GALNTL6: variants seen among roughly 807,000 people sequenced by gnomAD.
GALNTL6 encodes the protein polypeptide N-acetylgalactosaminyltransferase-like 6.
In GALNTL6, 46 loss-of-function variants were observed where a neutral mutation model predicts 73.7. That is an observed-to-expected ratio of 0.62 (90% CI 0.49 to 0.80). The LOEUF is 0.80. Ranked by LOEUF, GALNTL6 falls within the 30% of genes least tolerant of loss-of-function variation. The pLI is 0.00. For missense variants in GALNTL6, 604 were observed against 755.0 expected (o/e 0.80, Z 2.34); for synonymous variants, 259 against 263.7 (o/e 0.98, Z 0.17).
chr4:172,372,754 C>T (rs1351878859), intron 5 of GALNTL6, among the ~76,000 whole-genome samples: 2 of 152,148 alleles, frequency 1.3e-5, no homozygotes, highest in Non-Finnish European at 2.9e-5. Context: ...AGTATTTGCT[C>T]TCTGGGTCTC....
intron 5 of GALNTL6, among the ~76,000 whole-genome samples, chr4:172,604,853 G>A (rs1738197553): frequency 6.6e-6 from 1 of 152,268 alleles, no homozygotes; most frequent in Middle Eastern, 3.4e-3. Context: ...TTCCACCATG[G>A]ACTTCATACA....
At chr4:172,332,355 C>T (rs1741159413) in intron 4 of GALNTL6, among the ~76,000 whole-genome samples, 1 of 152,066 alleles carries the variant, frequency 6.6e-6, no homozygotes, top group African/African-American at 2.4e-5. Flanking sequence ...CATTTTTAAG[C>T]ATAGGCACCC....
chr4:172,023,715 G>A (rs1047039927), intron 2 of GALNTL6, among the ~76,000 whole-genome samples: 2 of 151,786 alleles, frequency 1.3e-5, no homozygotes, highest in Admixed American at 6.6e-5. Context: ...AGTCTCACAT[G>A]CAACAAAAAT....
At chr4:172,279,726 A>G (rs1356419307) in intron 3 of GALNTL6, among the ~76,000 whole-genome samples, 1 of 152,206 alleles carries the variant, frequency 6.6e-6, no homozygotes, top group Non-Finnish European at 1.5e-5. Flanking sequence ...CCACTTCTGA[A>G]TATAAACAAG....
At chr4:172,999,650 T>A (rs1159644635) in intron 10 of GALNTL6, among the ~76,000 whole-genome samples, 1 of 152,168 alleles carries the variant, frequency 6.6e-6, no homozygotes, top group Non-Finnish European at 1.5e-5. Flanking sequence ...TATATATAGA[T>A]GTCCCAGAGA....
intron 5 of GALNTL6, among the ~76,000 whole-genome samples, chr4:172,589,370 T>C (rs535302904): frequency 6.6e-6 from 1 of 152,214 alleles, no homozygotes; most frequent in Non-Finnish European, 1.5e-5. Flanking sequence ...AGTTTAAAAT[T>C]TCTTTTTGAA....
chr4:172,781,580 T>C (rs1739371198), intron 5 of GALNTL6, among the ~76,000 whole-genome samples: 1 of 152,148 alleles, frequency 6.6e-6, no homozygotes. Context: ...TCAGGCCATT[T>C]CTTTTACCAT....
At chr4:171,929,835 T>A (rs1383540696) in intron 2 of GALNTL6, among the ~76,000 whole-genome samples, 1 of 152,142 alleles carries the variant, frequency 6.6e-6, no homozygotes, top group East Asian at 1.9e-4. Flanking sequence ...CAACAGCGAA[T>A]CCAGCAGCAG....
At chr4:172,128,892 G>A (rs996138511) in intron 2 of GALNTL6, among the ~76,000 whole-genome samples, 11 of 152,172 alleles carry the variant, frequency 7.2e-5, no homozygotes, top group Non-Finnish European at 1.0e-4. Flanking sequence ...ATGCCCAACA[G>A]TAATACCTTA....
intron 5 of GALNTL6, among the ~76,000 whole-genome samples, chr4:172,460,236 C>A (rs1272632184): frequency 6.6e-6 from 1 of 152,138 alleles, no homozygotes; most frequent in Non-Finnish European, 1.5e-5. Context: ...GGATTAAAGA[C>A]TTAAATGTAA....
At chr4:172,671,671 G>A (rs547271571) in intron 5 of GALNTL6, among the ~76,000 whole-genome samples, 1 of 152,170 alleles carries the variant, frequency 6.6e-6, no homozygotes, top group Admixed American at 6.5e-5. Flanking sequence ...TGATTGCCCA[G>A]GCCAGGACTT....
chr4:172,562,635 C>T (rs1431916675), intron 5 of GALNTL6, among the ~76,000 whole-genome samples: 1 of 152,232 alleles, frequency 6.6e-6, no homozygotes, highest in African/African-American at 2.4e-5. Context: ...GGCCTCTTCT[C>T]TGACATAAGG....
At chr4:172,209,865 A>C (rs1326414791) in intron 2 of GALNTL6, among the ~76,000 whole-genome samples, 22 of 152,224 alleles carry the variant, frequency 1.4e-4, no homozygotes, top group African/African-American at 5.3e-4. Flanking sequence ...GTGCATTAGA[A>C]TTTTGAGTAG....
At chr4:172,536,417 C>T (rs1490485568) in intron 5 of GALNTL6, among the ~76,000 whole-genome samples, 1 of 152,130 alleles carries the variant, frequency 6.6e-6, no homozygotes, top group Non-Finnish European at 1.5e-5. Context: ...TGTTTAATGG[C>T]TTTGACCAAA....
At chr4:172,052,297 C>CA in intron 2 of GALNTL6, 1 of 587,006 alleles carries the variant, frequency 1.7e-6, no homozygotes, top group Non-Finnish European at 3.0e-6. Flanking sequence ...ACATGTACCA[C>CA]ACTTCCCAGG....
intron 5 of GALNTL6, among the ~76,000 whole-genome samples, chr4:172,687,453 C>A (rs960339166): frequency 5.3e-5 from 8 of 151,778 alleles, no homozygotes; most frequent in Admixed American, 2.6e-4. Context: ...CACAGTGAAA[C>A]CCCGTCTCTA....
At chr4:172,606,577 T>G (rs1223838043) in intron 5 of GALNTL6, among the ~76,000 whole-genome samples, 1 of 136,728 alleles carries the variant, frequency 7.3e-6, no homozygotes, top group Non-Finnish European at 1.6e-5. Context: ...ATATACATAG[T>G]ATATGTATAT....
chr4:171,858,999 C>T (rs547668661), intron 2 of GALNTL6, among the ~76,000 whole-genome samples: 72 of 152,180 alleles, frequency 4.7e-4, no homozygotes, highest in African/African-American at 1.7e-3. Context: ...AATATACCGG[C>T]TTCTCATATG....
chr4:172,043,601 G>A (rs1052530749), intron 2 of GALNTL6, among the ~76,000 whole-genome samples: 13 of 152,008 alleles, frequency 8.6e-5, no homozygotes, highest in Admixed American at 3.9e-4. Context: ...ATTAGAATAC[G>A]GGTTACAAAT....
Sources: allele counts gnomAD v4.1 joint callset (sites outside exome capture counted in the v4.1 genomes callset), GRCh38; gene constraint gnomAD v4.1.1; transcripts MANE v1.5; gene names NCBI Gene and HGNC (gene_info 2026-07-23, HGNC 2026-07-21).